The following TRIM44 variants were observed in gnomAD, a reference collection of about 807,000 sequenced individuals.
TRIM44 encodes the protein tripartite motif-containing protein 44.
Under a neutral mutation model 37.4 loss-of-function variants are expected in TRIM44, and 13 were observed. The ratio of observed to expected loss-of-function variants is 0.35; its 90% confidence interval spans 0.23 to 0.55. The LOEUF is 0.55. Ranked by LOEUF, TRIM44 falls within the 20% of genes least tolerant of loss-of-function variation. TRIM44 has a pLI of 0.89. For missense variants in TRIM44, 426 were observed against 437.2 expected (o/e 0.97, Z 0.23); for synonymous variants, 175 against 157.2 (o/e 1.11, Z -0.85).
chr11:35,715,242 T>G, intron 2 of TRIM44, among the ~76,000 whole-genome samples: 1 of 152,186 alleles, frequency 6.6e-6, no homozygotes, highest in East Asian at 1.9e-4. Flanking sequence ...TCATAGTGGT[T>G]AGACATCCAT....
intron 1 of TRIM44, among the ~76,000 whole-genome samples, chr11:35,682,931 A>C (rs139599023): frequency 5.9e-5 from 9 of 152,266 alleles, no homozygotes; most frequent in African/African-American, 1.9e-4. Context: ...CCAGGGGGAA[A>C]GTCATAATAT....
At chr11:35,706,057 C>T (rs959235367) in intron 2 of TRIM44, among the ~76,000 whole-genome samples, 1 of 148,472 alleles carries the variant, frequency 6.7e-6, no homozygotes, top group Non-Finnish European at 1.5e-5. Flanking sequence ...CAAATAGACA[C>T]AATAAAAAAT....
At chr11:35,753,449 C>G (rs1349094349) in intron 4 of TRIM44, among the ~76,000 whole-genome samples, 1 of 152,076 alleles carries the variant, frequency 6.6e-6, no homozygotes, top group African/African-American at 2.4e-5. Flanking sequence ...CAGACACTGG[C>G]CTAAAGAATA....
At chr11:35,768,900 G>A (rs1565012240) in intron 4 of TRIM44, among the ~76,000 whole-genome samples, 1 of 152,134 alleles carries the variant, frequency 6.6e-6, no homozygotes, top group Non-Finnish European at 1.5e-5. Context: ...GCCTAAAGAT[G>A]CATTTTGTTT....
chr11:35,773,793 A>G (rs1295414966), intron 4 of TRIM44, among the ~76,000 whole-genome samples: 2 of 152,182 alleles, frequency 1.3e-5, no homozygotes, highest in Admixed American at 1.3e-4. Context: ...CCTACAAAGG[A>G]CAAGAACTCA....
chr11:35,729,436 A>C (rs1852225556), intron 3 of TRIM44, among the ~76,000 whole-genome samples: 1 of 152,072 alleles, frequency 6.6e-6, no homozygotes, highest in African/African-American at 2.4e-5. Flanking sequence ...CTTCTGCCGT[A>C]CCCTGCAGTA....
intron 4 of TRIM44, among the ~76,000 whole-genome samples, chr11:35,789,973 T>G (rs1853184300): frequency 6.6e-6 from 1 of 152,206 alleles, no homozygotes; most frequent in African/African-American, 2.4e-5. Context: ...TGAAACAGGT[T>G]TGAAGTTGTA....
At chr11:35,741,081 G>A (rs1041260207) in intron 4 of TRIM44, among the ~76,000 whole-genome samples, 3 of 152,056 alleles carry the variant, frequency 2.0e-5, no homozygotes, top group African/African-American at 4.8e-5. Flanking sequence ...TGGTTGTTGC[G>A]TTGTCTTCAT....
rs760139890 is a variant in TRIM44, at chr11:35,663,209, G to C, written c.98G>C (p.Cys33Ser). The change falls in exon 1 of 5, where the codon TGC (cysteine) becomes TCC (serine). Residue 33 changes from cysteine (C) to serine (S), a missense_variant. Physicochemically the swap from Cys to Ser is moderately radical, Grantham distance 112. This residue lies in a region of TRIM44 where 331 missense variants were observed against 303.0 expected (regional missense o/e 1.09). Coordinates refer to ENST00000299413, the MANE Select transcript of TRIM44 (RefSeq NM_017583.6). Reference sequence around the variant, plus strand: ...GAGGCTCCGGGGGCCGAGGAAGTGTGCCGAGAATGCGGCTTCTGCTACTGC... The same window carrying C: ...GAGGCTCCGGGGGCCGAGGAAGTGTCCCGAGAATGCGGCTTCTGCTACTGC... ...PDEAPGAEEV[C>S]RECGFCYCRR... 1.2e-6 allele frequency: 2 copies of C among 1,601,942 alleles called. No homozygotes were observed. The highest frequency in any genetic ancestry group is 1.7e-6 in the Non-Finnish European group (2 of 1,173,012).
chr11:35,730,165 A>T (rs1188182414), intron 3 of TRIM44, among the ~76,000 whole-genome samples: 1 of 152,240 alleles, frequency 6.6e-6, no homozygotes, highest in East Asian at 1.9e-4. Flanking sequence ...TAAAGATATT[A>T]AAAAGTACCA....
intron 4 of TRIM44, among the ~76,000 whole-genome samples, chr11:35,773,149 A>G (rs1372468171): frequency 2.0e-5 from 3 of 151,882 alleles, no homozygotes; most frequent in Non-Finnish European, 4.4e-5. Context: ...AAGAAGTGCC[A>G]TTGCCTCCCG....
intron 4 of TRIM44, among the ~76,000 whole-genome samples, chr11:35,776,024 G>A (rs564629322): frequency 6.6e-6 from 1 of 151,882 alleles, no homozygotes. Context: ...TTTATTGATT[G>A]GAATAGTTTC....
chr11:35,781,086 A>G (rs1397543387), intron 4 of TRIM44, among the ~76,000 whole-genome samples: 1 of 152,184 alleles, frequency 6.6e-6, no homozygotes, highest in Non-Finnish European at 1.5e-5. Flanking sequence ...AGAAGCTACT[A>G]TAGCTACAAT....
At chr11:35,674,537 G>C (rs1038809929) in intron 1 of TRIM44, among the ~76,000 whole-genome samples, 3 of 152,170 alleles carry the variant, frequency 2.0e-5, no homozygotes, top group African/African-American at 7.2e-5. Context: ...ACCCACTTCA[G>C]ATGGGTTTAG....
intron 4 of TRIM44, among the ~76,000 whole-genome samples, chr11:35,742,769 A>G (rs1852426446): frequency 9.2e-6 from 1 of 108,216 alleles, no homozygotes; most frequent in African/African-American, 3.9e-5. Context: ...TATGTATTAT[A>G]TATTACATAT....
chr11:35,749,546 A>G (rs1330933115), intron 4 of TRIM44, among the ~76,000 whole-genome samples: 5 of 152,164 alleles, frequency 3.3e-5, no homozygotes, highest in South Asian at 2.1e-4. Flanking sequence ...TTAGCCAGGC[A>G]TGGTTGCACA....
chr11:35,753,895 A>G (rs1162974989), intron 4 of TRIM44, among the ~76,000 whole-genome samples: 3 of 151,842 alleles, frequency 2.0e-5, no homozygotes, highest in African/African-American at 4.8e-5. Context: ...TGCCTGGCTA[A>G]TTTTTGTATT....
At chr11:35,769,609 G>A (rs1852840374) in intron 4 of TRIM44, among the ~76,000 whole-genome samples, 1 of 152,142 alleles carries the variant, frequency 6.6e-6, no homozygotes. Flanking sequence ...CTGTTTTCTT[G>A]TCTTTAAAAG....
intron 4 of TRIM44, among the ~76,000 whole-genome samples, chr11:35,774,540 G>T (rs1465438177): frequency 6.6e-6 from 1 of 152,118 alleles, no homozygotes; most frequent in Non-Finnish European, 1.5e-5. Flanking sequence ...TGAAGTCCTT[G>T]CCCCTGCCTA....
Sources: gnomAD v4.1 joint callset for allele counts (sites outside exome capture counted in the v4.1 genomes callset) on GRCh38, gnomAD v4.1.1 for gene constraint, gnomAD v4.1.1 regional missense constraint, MANE v1.5 for transcripts, NCBI Gene and HGNC (gene_info 2026-07-23, HGNC 2026-07-21) for gene names.